VIT: variants seen among roughly 807,000 people sequenced by gnomAD.
VIT encodes the protein vitrin.
Under a neutral mutation model 78.0 loss-of-function variants are expected in VIT, and 99 were observed. That is an observed-to-expected ratio of 1.27 (90% CI 1.08 to 1.50). The LOEUF (loss-of-function observed/expected upper bound fraction) is 1.50, where lower values mean the gene tolerates loss of function less well. Among genes scored for constraint, VIT ranks in the 40% most tolerant of loss-of-function variants. The probability of loss-of-function intolerance (pLI) is 0.00; values close to 1 mark genes in which losing one functional copy is unlikely to be tolerated. For missense variants in VIT, 1,126 were observed against 875.3 expected (o/e 1.29, Z -3.61); for synonymous variants, 374 against 334.3 (o/e 1.12, Z -1.29).
At chr2:36,770,496 C>T (rs927320689) in intron 7 of VIT, among the ~76,000 whole-genome samples, 2 of 152,184 alleles carry the variant, frequency 1.3e-5, no homozygotes, top group Non-Finnish European at 2.9e-5. Context: ...GGCCCCTTAA[C>T]TGACCCATAA....
At chr2:36,756,934 A>G (rs945121030) in intron 5 of VIT, among the ~76,000 whole-genome samples, 1 of 152,238 alleles carries the variant, frequency 6.6e-6, no homozygotes, top group African/African-American at 2.4e-5. Flanking sequence ...GGGCTTTTTA[A>G]GTGAAAATCA....
At chr2:36,780,191 T>G (rs934830195) in intron 9 of VIT, among the ~76,000 whole-genome samples, 1 of 152,234 alleles carries the variant, frequency 6.6e-6, no homozygotes, top group African/African-American at 2.4e-5. Flanking sequence ...GTGGCATGAA[T>G]ATAAGGACAG....
chr2:36,771,037 TAC>T (rs1355878448), intron 7 of VIT, among the ~76,000 whole-genome samples: 2 of 152,228 alleles, frequency 1.3e-5, no homozygotes, highest in Admixed American at 6.5e-5. Context: ...TCCTTCCACA[TAC>T]AGTTTCCCTT....
intron 15 of VIT, among the ~76,000 whole-genome samples, 173 bp downstream of exon 15, chr2:36,809,158 A>T (rs184021946): frequency 6.6e-6 from 1 of 152,288 alleles, no homozygotes; most frequent in Non-Finnish European, 1.5e-5. Context: ...AGCCCCTCTG[A>T]GTAGGGAGAA....
intron 2 of VIT, among the ~76,000 whole-genome samples, chr2:36,723,986 G>A (rs1395349057): frequency 7.2e-6 from 1 of 139,266 alleles, no homozygotes; most frequent in Non-Finnish European, 1.6e-5. Context: ...GGGAGGGGGG[G>A]GATTATTTAT....
At chr2:36,779,192 C>T (rs1345357536) in intron 9 of VIT, among the ~76,000 whole-genome samples, 1 of 152,206 alleles carries the variant, frequency 6.6e-6, no homozygotes, top group Non-Finnish European at 1.5e-5. Context: ...GATGATGACT[C>T]CTAGTGTGTG....
chr2:36,733,309 T>A (rs1435108973), intron 3 of VIT, among the ~76,000 whole-genome samples: 1 of 152,096 alleles, frequency 6.6e-6, no homozygotes, highest in Non-Finnish European at 1.5e-5. Flanking sequence ...TCTCTGTGCA[T>A]CTCTCTCTTT....
At chr2:36,701,415 A>T (rs572316276) in intron 1 of VIT, among the ~76,000 whole-genome samples, 65 of 152,278 alleles carry the variant, frequency 4.3e-4, no homozygotes, top group African/African-American at 1.5e-3. Flanking sequence ...ATGCTTCCTT[A>T]TGACTCAAAC....
At chr2:36,743,577 T>C (rs1441338356) in intron 4 of VIT, among the ~76,000 whole-genome samples, 1 of 152,230 alleles carries the variant, frequency 6.6e-6, no homozygotes, top group Non-Finnish European at 1.5e-5. Flanking sequence ...TAAGATTTTC[T>C]CTTTATCATT....
chr2:36,702,894 C>G (rs1665155041), intron 1 of VIT, among the ~76,000 whole-genome samples: 1 of 152,180 alleles, frequency 6.6e-6, no homozygotes, highest in African/African-American at 2.4e-5. Flanking sequence ...TACAGTTCCT[C>G]CCTCAGCCCT....
At chr2:36,717,182 ATTT>A (rs577779821) in intron 2 of VIT, among the ~76,000 whole-genome samples, 38 of 118,050 alleles carry the variant, frequency 3.2e-4, no homozygotes, top group Non-Finnish European at 3.7e-4. Flanking sequence ...GCCAGAGATG[ATTT>A]TTTTTTTTTT....
At chr2:36,736,192 G>A (rs577178344) in intron 3 of VIT, among the ~76,000 whole-genome samples, 1 of 152,156 alleles carries the variant, frequency 6.6e-6, no homozygotes, top group Non-Finnish European at 1.5e-5. Context: ...GATTACCAAA[G>A]TGTGGCTGCA....
intron 9 of VIT, among the ~76,000 whole-genome samples, chr2:36,776,801 A>T (rs945939030): frequency 9.9e-5 from 15 of 151,860 alleles, no homozygotes; most frequent in Non-Finnish European, 1.5e-4. Context: ...TCTCAAAAAA[A>T]ATAAAATGGC....
intron 2 of VIT, among the ~76,000 whole-genome samples, chr2:36,726,491 A>AT (rs1156861618): frequency 2.6e-5 from 4 of 152,174 alleles, no homozygotes; most frequent in Non-Finnish European, 4.4e-5. Context: ...AAAGAACATG[A>AT]TTTTTTTCAA....
intron 1 of VIT, among the ~76,000 whole-genome samples, chr2:36,700,911 G>C (rs574401424): frequency 1.3e-5 from 2 of 152,188 alleles, no homozygotes; most frequent in Non-Finnish European, 1.5e-5. Flanking sequence ...GCACTGATAA[G>C]TTGTGTAAGT....
chr2:36,707,414 A>C (rs1665498531), intron 1 of VIT, among the ~76,000 whole-genome samples: 1 of 152,080 alleles, frequency 6.6e-6, no homozygotes, highest in Admixed American at 6.5e-5. Context: ...CTCCCCAAAA[A>C]ACACAGGCTT....
chr2:36,733,262 A>T (rs537850079), intron 3 of VIT, among the ~76,000 whole-genome samples: 242 of 152,258 alleles, frequency 1.6e-3, no homozygotes, highest in Non-Finnish European at 3.0e-3. Context: ...TGGACTGCAG[A>T]TGGAAAGGCC....
chr2:36,743,103 T>A lies in VIT; in HGVS notation c.122T>A (p.Val41Glu), dbSNP rs1311157408. 6.2e-7 allele frequency: 1 copy of A among 1,614,048 alleles called. No homozygotes were observed. Among genetic ancestry groups the A allele is most frequent in the Admixed American group, 1.7e-5 (1 of 60,020 alleles). ...TGACCTCATTTTGTATTCCCAGCTG[T>A]GCCTCAGATCAACTGCGATGTCAAA... ...AKKIKRPKFT[V>E]PQINCDVKAG... is the part of the protein sequence containing the mutation. The change falls in exon 4 of 16, where the codon GTG (valine) becomes GAG (glutamate). Residue 41 changes from valine (V) to glutamate (E), a missense_variant. Physicochemically the swap from Val to Glu is moderately radical, Grantham distance 121. Transcript: ENST00000379242.
intron 3 of VIT, among the ~76,000 whole-genome samples, chr2:36,738,394 C>T (rs1399589940): frequency 2.6e-5 from 4 of 151,984 alleles, no homozygotes; most frequent in Admixed American, 1.3e-4. Context: ...AGACTAATGC[C>T]TTTTAGGGTT....
Sources: allele counts gnomAD v4.1 joint callset (sites outside exome capture counted in the v4.1 genomes callset), GRCh38; gene constraint gnomAD v4.1.1; transcripts MANE v1.5; gene names NCBI Gene and HGNC (gene_info 2026-07-23, HGNC 2026-07-21).